NKAIN2: variants seen among roughly 807,000 people sequenced by gnomAD.
The protein encoded by NKAIN2 is sodium/potassium-transporting ATPase subunit beta-1-interacting protein 2.
Under a neutral mutation model 32.6 loss-of-function variants are expected in NKAIN2, and 14 were observed. The observed-to-expected ratio is 0.43, with a 90% confidence interval of 0.28 to 0.67. NKAIN2 has a LOEUF of 0.67. Ranked by LOEUF, NKAIN2 falls within the 30% of genes least tolerant of loss-of-function variation. NKAIN2 has a pLI of 0.17. For missense variants in NKAIN2, 198 were observed against 258.3 expected (o/e 0.77, Z 1.60); for synonymous variants, 80 against 87.2 (o/e 0.92, Z 0.46).
At chr6:123,978,033 C>T (rs763890471) in intron 1 of NKAIN2, among the ~76,000 whole-genome samples, 6 of 152,256 alleles carry the variant, frequency 3.9e-5, no homozygotes, top group East Asian at 1.9e-4. Context: ...TAAAATTCTG[C>T]TTTTAACTTA....
chr6:124,536,216 T>G (rs1779708946), intron 3 of NKAIN2, among the ~76,000 whole-genome samples: 1 of 152,218 alleles, frequency 6.6e-6, no homozygotes. Flanking sequence ...TGGTTTCTCT[T>G]TAGCAAGGCT....
intron 3 of NKAIN2, among the ~76,000 whole-genome samples, chr6:124,560,732 C>T (rs1202428876): frequency 6.6e-6 from 1 of 152,158 alleles, no homozygotes. Flanking sequence ...TGAAAAAATT[C>T]ACCTTCTTAG....
chr6:124,498,868 A>G (rs551219073), intron 3 of NKAIN2, among the ~76,000 whole-genome samples: 2 of 152,286 alleles, frequency 1.3e-5, no homozygotes, highest in African/African-American at 4.8e-5. Flanking sequence ...TATTATTCTT[A>G]AAAGGGCACT....
intron 1 of NKAIN2, among the ~76,000 whole-genome samples, chr6:123,913,111 C>T (rs148245675): frequency 1.3e-5 from 2 of 152,262 alleles, no homozygotes; most frequent in East Asian, 3.9e-4. Flanking sequence ...AATATTGTTG[C>T]AGAATGTTGG....
intron 4 of NKAIN2, among the ~76,000 whole-genome samples, chr6:124,754,057 A>G (rs1017301167): frequency 2.0e-5 from 3 of 152,012 alleles, no homozygotes; most frequent in Non-Finnish European, 4.4e-5. Flanking sequence ...CTCCTTAAAG[A>G]CTCAATTTTC....
chr6:124,432,943 C>T (rs866792685), intron 3 of NKAIN2, among the ~76,000 whole-genome samples: 11 of 152,224 alleles, frequency 7.2e-5, no homozygotes, highest in Middle Eastern at 6.8e-3. Context: ...TGGCTCCCCC[C>T]GACACATCCA....
intron 3 of NKAIN2, among the ~76,000 whole-genome samples, chr6:124,531,288 A>T (rs1562241106): frequency 6.6e-6 from 1 of 152,190 alleles, no homozygotes; most frequent in Non-Finnish European, 1.5e-5. Flanking sequence ...CTAGGCCTCA[A>T]AACAGACTTT....
intron 1 of NKAIN2, among the ~76,000 whole-genome samples, chr6:124,170,991 T>A (rs802221): frequency 0.91 from 138,561 of 152,220 alleles, 63,086 homozygotes; most frequent in South Asian, 0.94. Context: ...TCTTTAGAAT[T>A]TTTGTCACTA....
intron 1 of NKAIN2, among the ~76,000 whole-genome samples, chr6:123,863,611 T>C (rs77724265): frequency 0.031 from 4,651 of 151,988 alleles, 233 homozygotes; most frequent in African/African-American, 0.11. Flanking sequence ...AGATGATTAC[T>C]ATTCAGGCCC....
At chr6:124,375,436 T>A (rs926383933) in intron 3 of NKAIN2, among the ~76,000 whole-genome samples, 14 of 147,482 alleles carry the variant, frequency 9.5e-5, no homozygotes, top group Non-Finnish European at 2.1e-4. Flanking sequence ...CATATATATA[T>A]AAATTACATT....
chr6:124,559,936 C>A (rs1248913836), intron 3 of NKAIN2, among the ~76,000 whole-genome samples: 1 of 145,262 alleles, frequency 6.9e-6, no homozygotes, highest in African/African-American at 2.5e-5. Context: ...ATGCATCTGC[C>A]CACACTTCGG....
chr6:124,796,309 G>A (rs1779995843), intron 5 of NKAIN2, among the ~76,000 whole-genome samples: 1 of 152,020 alleles, frequency 6.6e-6, no homozygotes, highest in Admixed American at 6.6e-5. Flanking sequence ...GTTGGATTAG[G>A]GCCCTATCCT....
chr6:123,830,359 G>C (rs776414542), intron 1 of NKAIN2, among the ~76,000 whole-genome samples: 1 of 152,046 alleles, frequency 6.6e-6, no homozygotes, highest in African/African-American at 2.4e-5. Flanking sequence ...TGCTCTAGGC[G>C]TAAAGGCAAA....
At chr6:123,900,095 C>T (rs1406978925) in intron 1 of NKAIN2, among the ~76,000 whole-genome samples, 1 of 152,128 alleles carries the variant, frequency 6.6e-6, no homozygotes, top group Non-Finnish European at 1.5e-5. Context: ...TAGGTTCACC[C>T]GTTGTACACC....
intron 4 of NKAIN2, among the ~76,000 whole-genome samples, chr6:124,741,094 C>T (rs1012258769): frequency 6.6e-6 from 1 of 151,604 alleles, no homozygotes; most frequent in African/African-American, 2.4e-5. Flanking sequence ...CACAAATGGA[C>T]AATAGGTGAA....
intron 1 of NKAIN2, among the ~76,000 whole-genome samples, chr6:124,072,763 A>T (rs571205898): frequency 6.6e-6 from 1 of 152,190 alleles, no homozygotes; most frequent in Admixed American, 6.6e-5. Context: ...TATTTTATTC[A>T]CCCAAGTTTT....
intron 1 of NKAIN2, among the ~76,000 whole-genome samples, chr6:124,089,354 A>G (rs1212801275): frequency 6.6e-6 from 1 of 151,732 alleles, no homozygotes; most frequent in Admixed American, 6.6e-5. Context: ...TGCTAAGTTG[A>G]CATCTGAGAA....
At chr6:124,561,991 C>T (rs190206492) in intron 3 of NKAIN2, among the ~76,000 whole-genome samples, 9 of 152,310 alleles carry the variant, frequency 5.9e-5, no homozygotes, top group Admixed American at 2.6e-4. Flanking sequence ...GCTGTTTTAG[C>T]GTCTGTCATT....
At chr6:124,499,218 T>C (rs1778188195) in intron 3 of NKAIN2, among the ~76,000 whole-genome samples, 1 of 152,186 alleles carries the variant, frequency 6.6e-6, no homozygotes, top group South Asian at 2.1e-4. Context: ...ATTTCCAAAC[T>C]CTTTTTGAAT....
Sources: gnomAD v4.1 joint callset for allele counts (sites outside exome capture counted in the v4.1 genomes callset) on GRCh38, gnomAD v4.1.1 for gene constraint, MANE v1.5 for transcripts, NCBI Gene and HGNC (gene_info 2026-07-23, HGNC 2026-07-21) for gene names.